Variants in FEZ2 observed in about 807,000 individuals in gnomAD.
FEZ2 encodes fasciculation and elongation protein zeta 2.
FEZ2 carries 51 observed loss-of-function variants against 40.4 expected under a neutral mutation model. The observed-to-expected ratio is 1.26, with a 90% CI of 1.01 to 1.59. The LOEUF is 1.59. FEZ2 is among the 40% of genes most tolerant of loss of function. FEZ2 has a pLI of 0.00. For synonymous variants in FEZ2, 242 were observed against 172.0 expected (o/e 1.41, Z -3.18); for missense variants, 640 against 438.3 (o/e 1.46, Z -4.11).
Position 36,597,889 on chromosome 2 carries a change from A to G in FEZ2, c.254T>C (p.Leu85Pro). Residue 85 changes from leucine to proline, a missense_variant, in exon 1 of 8, where the codon CTG becomes CCG. By Grantham distance (98) the Leu-to-Pro change is moderately conservative. Transcript: ENST00000405912. ...GCCCCGCACTCACTCGTCCCCCTGC[A>G]GGAGGCTGCGCTCCGTGATGGGCCG... ...AVRPITERSL[L>P]QGDEIWNALT... 1 of 1,383,300 alleles carries G rather than the reference A, an allele frequency of 7.2e-7. No individual in the cohort carries two copies. The highest frequency in any genetic ancestry group is 3.5e-5 in the Admixed American group (1 of 28,308). The allele number at this position is 1,383,300 out of a possible 1,614,324, so 85.7% of individuals were successfully genotyped here.
intron 2 of FEZ2, 106 bp downstream of exon 2, chr2:36,590,797 A>T (rs1389843350): frequency 1.4e-6 from 1 of 711,822 alleles, no homozygotes; most frequent in African/African-American, 1.8e-5. Context: ...ATAATTTCAG[A>T]AATGAGAGGC....
rs570858146 is a variant in FEZ2 at position 36,590,525 on chromosome 2, G to A, written c.375+378C>T. 47 of 166,212 alleles carry A rather than the reference G, an allele frequency of 2.8e-4. No homozygotes were observed. In the South Asian group the frequency reaches 6.0e-3, roughly 21 times the overall value. The allele number at this position is 166,212 out of a possible 1,614,324, so 10.3% of individuals were successfully genotyped here. A position where few individuals can be genotyped will look rare whatever the true frequency, so the allele number is the denominator to read the frequency against. On this transcript the variant is annotated intron_variant, in intron 2 of 7. Coordinates refer to ENST00000405912, the MANE Select transcript of FEZ2 (RefSeq NM_005102.3). ...TCTACTGAAAATACAAAAATTAGCCGGGACTGGTGGCTCATGCCTGTAATC... is the reference window on the plus strand; with the variant it reads ...TCTACTGAAAATACAAAAATTAGCCAGGACTGGTGGCTCATGCCTGTAATC...
chr2:36,560,906 AAAG>A (rs1318611555), intron 5 of FEZ2: 2 of 1,253,040 alleles, frequency 1.6e-6, no homozygotes, highest in East Asian at 2.4e-5. Context: ...AAGGACAGAG[AAAG>A]AAGTTCAAAG....
At chr2:36,571,152 A>G (rs1668398416) in intron 5 of FEZ2, among the ~76,000 whole-genome samples, 1 of 152,228 alleles carries the variant, frequency 6.6e-6, no homozygotes, top group Admixed American at 6.5e-5. Context: ...TCATAAAACA[A>G]ATTTGTTCCA....
chr2:36,578,901 C>T (rs751467481), intron 4 of FEZ2, 36 bp from the exon 5 acceptor site: 3 of 1,573,892 alleles, frequency 1.9e-6, no homozygotes, highest in South Asian at 2.3e-5. Flanking sequence ...GATATTAAGA[C>T]AAAAACATTT....
chr2:36,552,387 A>T lies in FEZ2; in HGVS notation c.*776T>A, dbSNP rs957487243. 2 of 369,706 alleles carry T rather than the reference A, an allele frequency of 5.4e-6. No homozygotes were observed. The highest frequency in any genetic ancestry group is 7.3e-5 in the Admixed American group (2 of 27,506). The allele number at this position is 369,706 out of a possible 1,614,324, so 22.9% of individuals were successfully genotyped here. On this transcript the variant is annotated 3_prime_UTR_variant, in exon 8 of 8. Coordinates refer to ENST00000405912, the MANE Select transcript of FEZ2 (RefSeq NM_005102.3). ...ACTTAAGAAAAACACACAGGCATGA[A>T]TAAAATAGGACACAGTAATGAGAAT...
At chr2:36,573,392 T>C (rs1422357476) in intron 5 of FEZ2, among the ~76,000 whole-genome samples, 1 of 152,236 alleles carries the variant, frequency 6.6e-6, no homozygotes, top group South Asian at 2.1e-4. Context: ...AACCTATTCT[T>C]GTATTCATGA....
chr2:36,565,253 T>C (rs1054170682), intron 5 of FEZ2, among the ~76,000 whole-genome samples: 23 of 152,340 alleles, frequency 1.5e-4, no homozygotes, highest in African/African-American at 4.8e-4. Flanking sequence ...TTATCTCCAG[T>C]TGCCTCCTTC....
At chr2:36,559,951 T>TA (rs532341973) in intron 5 of FEZ2, among the ~76,000 whole-genome samples, 3 of 152,226 alleles carry the variant, frequency 2.0e-5, no homozygotes, top group Non-Finnish European at 4.4e-5. Context: ...GAGAAACACT[T>TA]AACTACCTGC....
intron 5 of FEZ2, among the ~76,000 whole-genome samples, chr2:36,575,261 T>C (rs1306344117): frequency 6.6e-6 from 1 of 152,178 alleles, no homozygotes; most frequent in Non-Finnish European, 1.5e-5. Flanking sequence ...CATGGCCCAC[T>C]GCAGCCTCAA....
At chr2:36,592,915 T>C (rs1669111326) in intron 1 of FEZ2, among the ~76,000 whole-genome samples, 1 of 152,180 alleles carries the variant, frequency 6.6e-6, no homozygotes, top group Non-Finnish European at 1.5e-5. Context: ...AAAGCTCCCA[T>C]ATGCACAGTC....
At chr2:36,573,275 G>A (rs1314584576) in intron 5 of FEZ2, among the ~76,000 whole-genome samples, 1 of 151,984 alleles carries the variant, frequency 6.6e-6, no homozygotes, top group Non-Finnish European at 1.5e-5. Context: ...ATACATATAA[G>A]TTTACTAAGT....
At chr2:36,581,490 G>T in intron 3 of FEZ2, 59 bp from the exon 4 acceptor site, 1 of 1,515,872 alleles carries the variant, frequency 6.6e-7, no homozygotes, top group Non-Finnish European at 9.1e-7. Context: ...GATCTATCTG[G>T]AACACAGTGC....
intron 6 of FEZ2, 160 bp downstream of exon 6, chr2:36,558,278 C>T: frequency 2.2e-6 from 1 of 453,178 alleles, no homozygotes; most frequent in Admixed American, 3.9e-5. Flanking sequence ...TTTAATGTCA[C>T]AGCCATTTTT....
Position 36,583,385 on chromosome 2 carries a change from C to A in FEZ2, c.460G>T (p.Val154Phe). ...LDMHSIIVSC[V>F]NDEPLFTADQ... ...GCCGTGAAGAGGGGTTCATCATTAA[C>A]ACAGGAGACGATGATTGAGTGCATA... The change falls in exon 3 of 8, where the codon GTT becomes TTT. Residue 154 changes from valine to phenylalanine, a missense_variant. Transcript: ENST00000405912. The A allele has an allele frequency of 6.2e-7, 1 of 1,602,672 alleles. No homozygotes were observed. The highest frequency in any genetic ancestry group is 8.5e-7 in the Non-Finnish European group (1 of 1,169,644).
intron 1 of FEZ2, among the ~76,000 whole-genome samples, chr2:36,593,768 C>T (rs1669137021): frequency 6.6e-6 from 1 of 151,828 alleles, no homozygotes; most frequent in Admixed American, 6.5e-5. Flanking sequence ...TCCCCATGGT[C>T]GTGGGGATTA....
intron 5 of FEZ2, among the ~76,000 whole-genome samples, chr2:36,560,529 AAG>A (rs1161714135): frequency 6.6e-6 from 1 of 152,248 alleles, no homozygotes; most frequent in African/African-American, 2.4e-5. Context: ...GTTTAAAACT[AAG>A]AGTGAAAAAT....
At chr2:36,573,562 A>T (rs536514537) in intron 5 of FEZ2, among the ~76,000 whole-genome samples, 1 of 152,260 alleles carries the variant, frequency 6.6e-6, no homozygotes, top group Non-Finnish European at 1.5e-5. Flanking sequence ...TTCAACAAAC[A>T]TGCATTAAGT....
chr2:36,596,226 C>G (rs995414308), intron 1 of FEZ2, among the ~76,000 whole-genome samples: 2 of 152,234 alleles, frequency 1.3e-5, no homozygotes, highest in Non-Finnish European at 2.9e-5. Context: ...GGTCTCCAAA[C>G]ACAGGTGGGC....
Sources: allele counts gnomAD v4.1 joint callset (sites outside exome capture counted in the v4.1 genomes callset), GRCh38; gene constraint gnomAD v4.1.1; transcripts MANE v1.5; gene names NCBI Gene and HGNC (gene_info 2026-07-23, HGNC 2026-07-21).